Variants in ERO1A observed in about 807,000 individuals in gnomAD.
ERO1A encodes endoplasmic reticulum oxidoreductase 1 alpha, also known as ERO1-like protein alpha.
A neutral mutation model predicts 76.9 loss-of-function variants in ERO1A; 49 were observed. The ratio of observed to expected loss-of-function variants is 0.64; its 90% CI spans 0.51 to 0.81. ERO1A has a LOEUF of 0.81. ERO1A is among the 30% of genes least tolerant of loss of function. The pLI is 0.00. For synonymous variants in ERO1A, 174 were observed against 181.2 expected, an observed-to-expected ratio of 0.96 and a Z score of 0.32; for missense variants, 448 against 542.1, an observed-to-expected ratio of 0.83 and a Z score of 1.72.
chr14:52,678,423 T>C lies in ERO1A; in HGVS notation c.357+11A>G, dbSNP rs1269051159. 1 of 1,611,354 alleles carries C rather than the reference T, an allele frequency of 6.2e-7. No homozygotes were observed. Among genetic ancestry groups the C allele is most frequent in the Non-Finnish European group, 8.5e-7 (1 of 1,177,952 alleles). Reference sequence around the variant, plus strand: ...AAGATACTGGACACATCAATAGGTATACGTACACACCTTGTAGCTCGCAGA... The same window carrying C: ...AAGATACTGGACACATCAATAGGTACACGTACACACCTTGTAGCTCGCAGA... On this transcript the variant is annotated intron_variant, in intron 4 of 15. Coordinates refer to ENST00000395686, the MANE Select transcript of ERO1A (RefSeq NM_014584.3).
chr14:52,665,171 G>C (rs112278789), intron 7 of ERO1A, among the ~76,000 whole-genome samples: 1 of 151,472 alleles, frequency 6.6e-6, no homozygotes, highest in East Asian at 2.0e-4. Flanking sequence ...GTGTGGTGGC[G>C]TGTGCCTGTA....
Position 52,672,032 on chromosome 14 carries a change from C to A in ERO1A, c.358-161G>T, listed in dbSNP as rs187292533. 2.0e-4 allele frequency: 112 copies of A among 560,548 alleles called. No homozygotes were observed. In the African/African-American group the frequency reaches 2.1e-3, roughly 11 times the overall value. 34.7% of individuals were successfully genotyped at this position (560,548 alleles called of 1,614,324 possible). A position where few individuals can be genotyped will look rare whatever the true frequency, so the allele number is the denominator to read the frequency against. ...AAATTGCCCATAATCAGGCCAGGTACGGTGGCTCACGCCTATAATCCCGGC... is the reference window on the plus strand; with the variant it reads ...AAATTGCCCATAATCAGGCCAGGTAAGGTGGCTCACGCCTATAATCCCGGC... On this transcript the variant is annotated intron_variant, in intron 4 of 15. Coordinates refer to ENST00000395686, the MANE Select transcript of ERO1A (RefSeq NM_014584.3).
chr14:52,691,920 C>T (rs529896035), intron 1 of ERO1A, among the ~76,000 whole-genome samples: 1 of 152,276 alleles, frequency 6.6e-6, no homozygotes, highest in South Asian at 2.1e-4. Context: ...TCATTTTGAG[C>T]AACTAACACT....
At chr14:52,647,142 A>ATTTTTTTTTTTT (rs58456682) in intron 13 of ERO1A, 12 of 62,204 alleles carry the variant, frequency 1.9e-4, no homozygotes, top group African/African-American at 7.6e-4. Flanking sequence ...CGCCCAGCTA[A>ATTTTTTTTTTTT]TTTTTTTTTT....
intron 1 of ERO1A, among the ~76,000 whole-genome samples, chr14:52,684,144 C>CAT (rs2041097471): frequency 7.8e-6 from 1 of 128,488 alleles, no homozygotes; most frequent in Admixed American, 8.7e-5. Context: ...CACACACACA[C>CAT]ACACACAGAG....
intron 7 of ERO1A, among the ~76,000 whole-genome samples, chr14:52,666,060 G>A (rs2040399970): frequency 6.6e-6 from 1 of 152,164 alleles, no homozygotes; most frequent in Non-Finnish European, 1.5e-5. Flanking sequence ...GCCACTGTGT[G>A]ATCTTGGGAA....
intron 13 of ERO1A, among the ~76,000 whole-genome samples, chr14:52,647,449 G>C (rs886167509): frequency 6.6e-6 from 1 of 151,828 alleles, no homozygotes; most frequent in Non-Finnish European, 1.5e-5. Context: ...CCACTACCAA[G>C]TTTTAGAAAA....
intron 3 of ERO1A, among the ~76,000 whole-genome samples, chr14:52,681,991 T>C (rs988561000): frequency 1.3e-5 from 2 of 152,232 alleles, no homozygotes; most frequent in Non-Finnish European, 2.9e-5. Flanking sequence ...ATGAAGGCAG[T>C]GTAATTCAAA....
chr14:52,663,468 C>T (rs1461607552), intron 8 of ERO1A, among the ~76,000 whole-genome samples: 3 of 151,544 alleles, frequency 2.0e-5, no homozygotes, highest in African/African-American at 7.3e-5. Context: ...GGCGTTGTGG[C>T]GGGCGCCTGT....
intron 4 of ERO1A, 44 bp downstream of exon 4, chr14:52,678,390 T>A (rs2139744029): frequency 6.4e-7 from 1 of 1,561,834 alleles, no homozygotes; most frequent in East Asian, 2.2e-5. Flanking sequence ...TTTTTCAAGT[T>A]TTTCATTAAG....
At chr14:52,643,669 A>G in intron 15 of ERO1A, 39 bp from the exon 16 acceptor site, 1 of 1,073,528 alleles carries the variant, frequency 9.3e-7, no homozygotes, top group South Asian at 1.7e-5. Context: ...ACCATCTTAG[A>G]TAAATTTTAT....
chr14:52,671,672 T>C lies in ERO1A; in HGVS notation c.466A>G (p.Thr156Ala). 6.2e-7 allele frequency: 1 copy of C among 1,608,580 alleles called. No homozygotes were observed. Among genetic ancestry groups the C allele is most frequent in the Non-Finnish European group, 8.5e-7 (1 of 1,177,046 alleles). ...EETQKAVLQW[T>A]KHDDSSDNFC... ...TTATCTGAAGAATCATCATGCTTGG[T>C]CCACTGAAGAACAGCCTTCTGTGTT... The change falls in exon 6 of 16, where the codon ACC becomes GCC. Residue 156 changes from threonine to alanine, a missense_variant. This residue lies in a region of ERO1A where 302 missense variants were observed against 411.9 expected (regional missense o/e 0.73). Coordinates refer to ENST00000395686, the MANE Select transcript of ERO1A (RefSeq NM_014584.3).
intron 11 of ERO1A, among the ~76,000 whole-genome samples, chr14:52,656,333 G>GA (rs961145077): frequency 6.6e-6 from 1 of 151,442 alleles, no homozygotes; most frequent in African/African-American, 2.4e-5. Flanking sequence ...TTTTAAAGAT[G>GA]AAAAAAAATA....
chr14:52,669,188 T>G (rs17731217), intron 6 of ERO1A, among the ~76,000 whole-genome samples: 64,873 of 151,978 alleles, frequency 0.43, 14,846 homozygotes, highest in Middle Eastern at 0.55. Context: ...ATATTCAGCT[T>G]TTTTTAACAG....
Position 52,671,739 on chromosome 14 carries a change from T to C in ERO1A, c.435-36A>G, listed in dbSNP as rs562840390. The C allele has an allele frequency of 3.2e-6, 5 of 1,579,160 alleles. No individual in the cohort carries two copies. The East Asian group carries it at 6.8e-5, about 21-fold the overall frequency. On this transcript the variant is annotated intron_variant, in intron 5 of 15. Transcript: ENST00000395686. ...AGAAAAAAAATAACATTATTATTTT[T>C]AAGTTAATATGTAACATAAAGAAAC...
intron 1 of ERO1A, among the ~76,000 whole-genome samples, chr14:52,694,740 C>CGGAA (rs889442084): frequency 1.3e-5 from 2 of 152,118 alleles, no homozygotes; most frequent in African/African-American, 4.8e-5. Context: ...GAATAAGGAC[C>CGGAA]TTCCTCCCAA....
At chr14:52,688,907 T>C (rs2041265193) in intron 1 of ERO1A, among the ~76,000 whole-genome samples, 2 of 152,242 alleles carry the variant, frequency 1.3e-5, no homozygotes, top group South Asian at 2.1e-4. Context: ...AGTCTTATTA[T>C]ACATTACCAT....
At position 52,681,784 on chromosome 14, in the gene ERO1A, AAGG is replaced by A. The variant is rs1410880575; in HGVS notation, c.318+538_318+540del. Among the ~76,000 whole-genome samples, 906 of 152,238 alleles carry A rather than the reference AAGG, an allele frequency of 6.0e-3. 8 individuals are homozygous for A. Among genetic ancestry groups the A allele is most frequent in the African/African-American group, 0.021 (865 of 41,546 alleles). On this transcript the variant is annotated intron_variant, in intron 3 of 15. Coordinates refer to ENST00000395686, the MANE Select transcript of ERO1A (RefSeq NM_014584.3). ...TGTCCACTCACACCCCAGGAAATCCAAGGCAAAAACACACCCGAAAAAAGAGGG... is the reference window on the plus strand; with the variant it reads ...TGTCCACTCACACCCCAGGAAATCCACAAAAACACACCCGAAAAAAGAGGG...
rs762945967 is a variant in ERO1A at position 52,646,144 on chromosome 14, T to C, written c.1346+10A>G. The C allele has an allele frequency of 5.0e-6, 8 of 1,604,960 alleles. No homozygotes were observed. Among genetic ancestry groups the C allele is most frequent in the Non-Finnish European group, 6.8e-6 (8 of 1,175,700 alleles). ...GGCTACCAGAAGCATTTCAGTACAT[T>C]CAAACTAACCTTCCAAATGCGTTGA... On this transcript the variant is annotated intron_variant, in intron 15 of 15. Coordinates refer to ENST00000395686, the MANE Select transcript of ERO1A (RefSeq NM_014584.3).
Sources: allele counts gnomAD v4.1 joint callset (sites outside exome capture counted in the v4.1 genomes callset), GRCh38; gene constraint gnomAD v4.1.1; regional missense constraint gnomAD v4.1.1; transcripts MANE v1.5; gene names NCBI Gene and HGNC (gene_info 2026-07-23, HGNC 2026-07-21).